Variants in JMJD1C observed in about 807,000 individuals in gnomAD.
JMJD1C encodes the protein jumonji domain-containing protein 1C.
JMJD1C carries 31 observed loss-of-function variants against 245.3 expected under a neutral mutation model. That is an observed-to-expected ratio of 0.13 (90% CI 0.09 to 0.17). JMJD1C has a LOEUF of 0.17. JMJD1C is among the 10% of genes least tolerant of loss of function. The pLI is 1.00. For missense variants in JMJD1C, 2,691 were observed against 3,000.2 expected (o/e 0.90, Z 2.41); for synonymous variants, 1,057 against 1,017.4 (o/e 1.04, Z -0.74).
intron 2 of JMJD1C, among the ~76,000 whole-genome samples, chr10:63,287,785 G>A (rs1391752365): frequency 1.3e-5 from 2 of 151,642 alleles, no homozygotes; most frequent in Non-Finnish European, 2.9e-5. Context: ...GTCTCGCTCT[G>A]TTGCGCAAGC....
chr10:63,205,438 GA>G (rs572347298), intron 10 of JMJD1C, among the ~76,000 whole-genome samples: 40 of 152,230 alleles, frequency 2.6e-4, no homozygotes, highest in African/African-American at 7.7e-4. Context: ...ATACTTGGGG[GA>G]AAAAATATTC....
intron 2 of JMJD1C, among the ~76,000 whole-genome samples, chr10:63,306,935 T>C (rs1162025111): frequency 3.3e-5 from 5 of 152,218 alleles, no homozygotes; most frequent in African/African-American, 1.2e-4. Flanking sequence ...TTAAACGTCC[T>C]GGAGTTAACT....
chr10:63,211,131 A>C (rs1490145682), intron 8 of JMJD1C, among the ~76,000 whole-genome samples: 1 of 152,216 alleles, frequency 6.6e-6, no homozygotes, highest in African/African-American at 2.4e-5. Flanking sequence ...CTTATGCAAG[A>C]TGCATCATCA....
intron 2 of JMJD1C, among the ~76,000 whole-genome samples, chr10:63,320,214 A>AT (rs1229609650): frequency 1.3e-5 from 2 of 151,996 alleles, no homozygotes; most frequent in African/African-American, 4.8e-5. Flanking sequence ...CATATCTTAC[A>AT]TTTTGTATTA....
intron 2 of JMJD1C, among the ~76,000 whole-genome samples, chr10:63,295,505 C>T (rs147184855): frequency 1.3e-5 from 2 of 152,214 alleles, no homozygotes; most frequent in East Asian, 3.9e-4. Flanking sequence ...TGCTTTCTTG[C>T]TATGATTCTA....
intron 1 of JMJD1C, among the ~76,000 whole-genome samples, chr10:63,496,191 C>T (rs1481295305): frequency 1.3e-5 from 2 of 151,748 alleles, no homozygotes; most frequent in Admixed American, 1.3e-4. Context: ...AGGAAAACTA[C>T]AGGATAAATA....
chr10:63,235,439 G>A (rs1850620039), intron 3 of JMJD1C, among the ~76,000 whole-genome samples: 1 of 152,186 alleles, frequency 6.6e-6, no homozygotes, highest in African/African-American at 2.4e-5. Context: ...AGAGGTTGCA[G>A]TGAGCCGAGG....
intron 22 of JMJD1C, 90 bp from the exon 23 acceptor site, chr10:63,177,946 C>A: frequency 3.0e-6 from 4 of 1,343,068 alleles, no homozygotes; most frequent in Non-Finnish European, 3.1e-6. Context: ...CAGCAGAGTG[C>A]CTGACTAGGA....
chr10:63,218,400 C>A (rs1393345959), intron 4 of JMJD1C, among the ~76,000 whole-genome samples: 1 of 152,082 alleles, frequency 6.6e-6, no homozygotes, highest in African/African-American at 2.4e-5. Flanking sequence ...AAGATGTTGA[C>A]TGGCTATAAT....
chr10:63,487,287 T>A (rs1379438844), intron 1 of JMJD1C, among the ~76,000 whole-genome samples: 1 of 152,170 alleles, frequency 6.6e-6, no homozygotes, highest in Non-Finnish European at 1.5e-5. Context: ...TCATTTTTCA[T>A]CAGGACCAAA....
upstream of JMJD1C, among the ~76,000 whole-genome samples, chr10:63,470,732 G>A (rs1356989520): frequency 6.6e-6 from 1 of 151,960 alleles, no homozygotes; most frequent in Non-Finnish European, 1.5e-5. Flanking sequence ...AGGAGGGAAA[G>A]AGAAGAAAAA....
intron 1 of JMJD1C, chr10:63,521,723 C>T: frequency 2.4e-6 from 1 of 421,732 alleles, no homozygotes. Flanking sequence ...CTGGGGGAGC[C>T]CTCGGCTTCC....
chr10:63,473,546 C>G (rs561808983), intron 1 of JMJD1C, among the ~76,000 whole-genome samples: 1 of 152,116 alleles, frequency 6.6e-6, no homozygotes, highest in Non-Finnish European at 1.5e-5. Flanking sequence ...TGTGCCTGGC[C>G]AGGTAAAAAG....
chr10:63,409,540 GAAGGAAAAACAGAGTA>G (rs1227070410), intron 1 of JMJD1C, among the ~76,000 whole-genome samples: 1 of 152,140 alleles, frequency 6.6e-6, no homozygotes, highest in Non-Finnish European at 1.5e-5. Context: ...TTAGGTGAAT[GAAGGAAAAACAGAGTA>G]AAGGAAAAAT....
intron 1 of JMJD1C, among the ~76,000 whole-genome samples, chr10:63,452,511 T>A (rs1209581310): frequency 6.6e-6 from 1 of 152,224 alleles, no homozygotes; most frequent in East Asian, 1.9e-4. Context: ...GCAGCCACTG[T>A]GGAAAACTGT....
At chr10:63,234,577 T>C (rs535110747) in intron 3 of JMJD1C, among the ~76,000 whole-genome samples, 2 of 135,534 alleles carry the variant, frequency 1.5e-5, no homozygotes, top group South Asian at 2.3e-4. Flanking sequence ...AATATGTTAA[T>C]ACTTAAATTT....
Position 63,167,734 on chromosome 10 carries a change from T to C in JMJD1C, c.*311A>G, listed in dbSNP as rs567288308. ...TTTACACTTGATCAACAATATAGCATAGAATTTTTTATTTTTTACCAAAAA... is the reference window on the plus strand; with the variant it reads ...TTTACACTTGATCAACAATATAGCACAGAATTTTTTATTTTTTACCAAAAA... On this transcript the variant is annotated 3_prime_UTR_variant, in exon 26 of 26. Transcript: ENST00000399262. 3.4e-5 allele frequency: 7 copies of C among 204,640 alleles called. No individual in the cohort carries two copies. Among genetic ancestry groups the C allele is most frequent in the South Asian group, 2.8e-4 (2 of 7,168 alleles). 12.7% of individuals were successfully genotyped at this position (204,640 alleles called of 1,614,324 possible). A position where few individuals can be genotyped will look rare whatever the true frequency, so the allele number is the denominator to read the frequency against.
Position 63,208,566 on chromosome 10 carries a change from A to C in JMJD1C, c.3103T>G (p.Phe1035Val). The C allele has an allele frequency of 2.5e-6, 4 of 1,614,112 alleles. No individual in the cohort carries two copies. The highest frequency in any genetic ancestry group is 3.4e-6 in the Non-Finnish European group (4 of 1,179,964). The part of the protein sequence containing the change: ...ILQESIDVAP[F>V]TTKIKGLEGE... ...TCAAGTCCCTTGATTTTAGTTGTAA[A>C]GGGAGCAACATCAATACTTTCTTGA... The change falls in exon 10 of 26, where the codon TTT becomes GTT. Residue 1035 changes from phenylalanine to valine, a missense_variant. By Grantham distance (50) the Phe-to-Val change is conservative (BLOSUM62 -1). Transcript: ENST00000399262.
chr10:63,254,485 A>C (rs1334821910), intron 3 of JMJD1C, among the ~76,000 whole-genome samples: 3 of 152,236 alleles, frequency 2.0e-5, no homozygotes, highest in Non-Finnish European at 4.4e-5. Context: ...TTCACACTGG[A>C]TGGCTCACAA....
Sources: gnomAD v4.1 joint callset for allele counts (sites outside exome capture counted in the v4.1 genomes callset) on GRCh38, gnomAD v4.1.1 for gene constraint, MANE v1.5 for transcripts, NCBI Gene and HGNC (gene_info 2026-07-23, HGNC 2026-07-21) for gene names.